Variants in SPATA16 observed in about 807,000 individuals in gnomAD.
SPATA16 encodes spermatogenesis-associated protein 16.
Under a neutral mutation model 63.3 loss-of-function variants are expected in SPATA16, and 36 were observed. The ratio of observed to expected loss-of-function variants is 0.57; its 90% CI spans 0.44 to 0.75. The LOEUF (loss-of-function observed/expected upper bound fraction) is 0.75. SPATA16 is among the 30% of genes least tolerant of loss of function. SPATA16 has a pLI of 0.00. For missense variants in SPATA16, 646 were observed against 679.3 expected, an observed-to-expected ratio of 0.95 and a Z score of 0.54; for synonymous variants, 203 against 216.7, an observed-to-expected ratio of 0.94 and a Z score of 0.56.
chr3:173,031,254 C>T (rs1190390318), intron 3 of SPATA16, among the ~76,000 whole-genome samples: 1 of 151,742 alleles, frequency 6.6e-6, no homozygotes, highest in Non-Finnish European at 1.5e-5. Context: ...GTTAAAACGA[C>T]AACAAAAATA....
At chr3:173,023,174 CTTATT>C (rs1236081862) in intron 3 of SPATA16, among the ~76,000 whole-genome samples, 4 of 109,112 alleles carry the variant, frequency 3.7e-5, no homozygotes, top group Admixed American at 1.8e-4. Flanking sequence ...TGTGTGTGTG[CTTATT>C]TTATTAAGCC....
chr3:173,135,370 AT>A (rs1560135505), intron 1 of SPATA16, among the ~76,000 whole-genome samples: 1 of 152,222 alleles, frequency 6.6e-6, no homozygotes. Flanking sequence ...TAAATGTAAG[AT>A]GGTACAACCA....
chr3:172,983,973 C>G (rs1337698348), intron 4 of SPATA16, among the ~76,000 whole-genome samples: 1 of 150,950 alleles, frequency 6.6e-6, no homozygotes, highest in Non-Finnish European at 1.5e-5. Context: ...CCCCGCCCTG[C>G]TATTCCTAAA....
chr3:172,960,975 TTC>T lies in SPATA16; in HGVS notation c.934-4153_934-4152del, dbSNP rs569832780. Among the ~76,000 whole-genome samples the T allele has an allele frequency of 2.7e-3, 410 of 149,092 alleles. 3 individuals carry two copies. Among genetic ancestry groups the T allele is most frequent in the Admixed American group, 4.9e-3 (74 of 14,994 alleles). Reference sequence around the variant, plus strand: ...CCTCCCTCTCTCTCTCTCTTTCTTTTTCTCTTTCTCTTTCTTTTTTCTTTCTC... The same window carrying T: ...CCTCCCTCTCTCTCTCTCTTTCTTTTTCTTTCTCTTTCTTTTTTCTTTCTC... On this transcript the variant is annotated intron_variant, in intron 5 of 10. Transcript: ENST00000351008.
intron 1 of SPATA16, among the ~76,000 whole-genome samples, chr3:173,129,668 A>C (rs1000588710): frequency 1.2e-4 from 18 of 152,116 alleles, no homozygotes; most frequent in African/African-American, 4.3e-4. Context: ...CTGTTTATAC[A>C]TAAACACACA....
chr3:173,021,491 A>G (rs1735330136), intron 3 of SPATA16, among the ~76,000 whole-genome samples: 1 of 152,204 alleles, frequency 6.6e-6, no homozygotes, highest in Admixed American at 6.5e-5. Context: ...AAATGATCAC[A>G]TGGGTTCATT....
intron 4 of SPATA16, among the ~76,000 whole-genome samples, chr3:173,018,456 A>G (rs1735246088): frequency 6.6e-6 from 1 of 151,886 alleles, no homozygotes; most frequent in Non-Finnish European, 1.5e-5. Flanking sequence ...TTGTGTTTTC[A>G]GTAGAGACAG....
chr3:173,051,526 G>T (rs1316366888), intron 2 of SPATA16, among the ~76,000 whole-genome samples: 9 of 152,034 alleles, frequency 5.9e-5, no homozygotes, highest in Non-Finnish European at 2.9e-5. Context: ...AGTACAGATG[G>T]GGTTTCACCA....
intron 2 of SPATA16, among the ~76,000 whole-genome samples, chr3:173,098,149 A>G (rs529512593): frequency 6.6e-6 from 1 of 152,202 alleles, no homozygotes; most frequent in East Asian, 1.9e-4. Flanking sequence ...AGTGAAAAAA[A>G]AAAAACTTGG....
At chr3:173,022,350 A>C (rs1735353670) in intron 3 of SPATA16, among the ~76,000 whole-genome samples, 1 of 152,142 alleles carries the variant, frequency 6.6e-6, no homozygotes, top group South Asian at 2.1e-4. Context: ...AGAGGGACCG[A>C]AGGAAGACAC....
At chr3:172,940,238 C>G (rs1384454949) in intron 6 of SPATA16, among the ~76,000 whole-genome samples, 2 of 152,166 alleles carry the variant, frequency 1.3e-5, no homozygotes, top group East Asian at 3.8e-4. Context: ...GTGAAAATTC[C>G]TGATTTGTAG....
chr3:172,896,243 C>T (rs903530249), intron 10 of SPATA16, among the ~76,000 whole-genome samples: 3 of 152,128 alleles, frequency 2.0e-5, no homozygotes, highest in South Asian at 4.2e-4. Flanking sequence ...ATTTTTGAGA[C>T]GGAGTCTCGC....
intron 2 of SPATA16, among the ~76,000 whole-genome samples, chr3:173,083,995 T>C (rs1736985214): frequency 6.6e-6 from 1 of 152,214 alleles, no homozygotes; most frequent in Non-Finnish European, 1.5e-5. Flanking sequence ...TGCATGCATG[T>C]ATCTTTATAA....
intron 4 of SPATA16, among the ~76,000 whole-genome samples, chr3:173,005,114 A>G (rs939492141): frequency 3.3e-5 from 5 of 152,054 alleles, no homozygotes; most frequent in African/African-American, 1.2e-4. Context: ...CGAGGTCAGG[A>G]GATCGAGACC....
intron 10 of SPATA16, among the ~76,000 whole-genome samples, chr3:172,898,298 A>C (rs554733903): frequency 1.3e-5 from 2 of 152,066 alleles, no homozygotes; most frequent in South Asian, 4.1e-4. Flanking sequence ...TTTTCTCTGA[A>C]AGAAATTGTG....
At position 173,124,482 on chromosome 3, in the gene SPATA16, C is replaced by G. The variant is rs182330928; in HGVS notation, c.-18-6733G>C. Among the ~76,000 whole-genome samples the G allele has an allele frequency of 2.3e-4, 35 of 152,274 alleles. No homozygotes were observed. The South Asian group carries it at 7.3e-3, about 32-fold the overall frequency. ...AAGGTTAATTCCTTTTGTTTGGATC[C>G]TATCCCTCCAGCCTCTCAATGACTT... On this transcript the variant is annotated intron_variant, in intron 1 of 10. Coordinates refer to ENST00000351008, the MANE Select transcript of SPATA16 (RefSeq NM_031955.6).
intron 2 of SPATA16, among the ~76,000 whole-genome samples, chr3:173,052,938 A>G (rs1444579029): frequency 6.7e-6 from 1 of 149,048 alleles, no homozygotes; most frequent in African/African-American, 2.4e-5. Flanking sequence ...TTTTATTTCA[A>G]AAGAAACCCT....
At chr3:172,904,158 A>G (rs958763045) in intron 10 of SPATA16, among the ~76,000 whole-genome samples, 5 of 152,204 alleles carry the variant, frequency 3.3e-5, no homozygotes, top group Admixed American at 1.3e-4. Flanking sequence ...GGTTGTTGCA[A>G]TCATTTAAAT....
chr3:173,055,960 C>T (rs891562215), intron 2 of SPATA16, among the ~76,000 whole-genome samples: 1 of 152,016 alleles, frequency 6.6e-6, no homozygotes, highest in Non-Finnish European at 1.5e-5. Flanking sequence ...TTATTCCTTC[C>T]TTTATTTTAT....
Sources: allele counts gnomAD v4.1 joint callset (sites outside exome capture counted in the v4.1 genomes callset), GRCh38; gene constraint gnomAD v4.1.1; transcripts MANE v1.5; gene names NCBI Gene and HGNC (gene_info 2026-07-23, HGNC 2026-07-21).